The following EVA1C variants were observed in gnomAD, a reference collection of about 807,000 sequenced individuals.
The protein encoded by EVA1C is eva-1 homolog C.
Under a neutral mutation model 45.4 loss-of-function variants are expected in EVA1C, and 25 were observed. That is an observed-to-expected ratio of 0.55 (90% CI 0.40 to 0.77). The LOEUF (loss-of-function observed/expected upper bound fraction) is 0.77, where lower values mean the gene tolerates loss of function less well. Ranked by LOEUF, EVA1C falls within the 30% of genes least tolerant of loss-of-function variation. EVA1C has a pLI of 0.00. For missense variants in EVA1C, 479 were observed against 554.8 expected, an observed-to-expected ratio of 0.86 and a Z score of 1.37; for synonymous variants, 190 against 221.2, an observed-to-expected ratio of 0.86 and a Z score of 1.25.
upstream of EVA1C, among the ~76,000 whole-genome samples, chr21:32,411,763 G>A (rs1005500165): frequency 6.6e-6 from 1 of 152,202 alleles, no homozygotes; most frequent in Admixed American, 6.5e-5. Flanking sequence ...CCTTCCGCCG[G>A]CCCCGCGCGA....
At chr21:32,459,551 G>A (rs943303451) in intron 3 of EVA1C, among the ~76,000 whole-genome samples, 2 of 151,970 alleles carry the variant, frequency 1.3e-5, no homozygotes, top group East Asian at 1.9e-4. Flanking sequence ...CCTTTAAAAA[G>A]TGGCCCTTGG....
intron 4 of EVA1C, among the ~76,000 whole-genome samples, chr21:32,487,416 A>C (rs2037006644): frequency 6.6e-6 from 1 of 152,204 alleles, no homozygotes; most frequent in African/African-American, 2.4e-5. Flanking sequence ...CAAGGACTCC[A>C]TGGAGATGCT....
intron 3 of EVA1C, among the ~76,000 whole-genome samples, chr21:32,466,142 C>G (rs999600340): frequency 6.6e-6 from 1 of 152,120 alleles, no homozygotes; most frequent in African/African-American, 2.4e-5. Context: ...AATCATTGGC[C>G]GGGCGCTTTG....
chr21:32,481,124 G>A (rs1362684829), intron 4 of EVA1C, among the ~76,000 whole-genome samples: 1 of 152,172 alleles, frequency 6.6e-6, no homozygotes, highest in Non-Finnish European at 1.5e-5. Context: ...CCAGTTTTGG[G>A]CCTCTCTGTA....
At chr21:32,465,513 G>A (rs887293250) in intron 3 of EVA1C, among the ~76,000 whole-genome samples, 3 of 152,216 alleles carry the variant, frequency 2.0e-5, no homozygotes, top group Non-Finnish European at 4.4e-5. Flanking sequence ...TGGTGATAGG[G>A]TAGAGCTAGC....
intron 1 of EVA1C, among the ~76,000 whole-genome samples, chr21:32,448,946 G>A (rs1389953316): frequency 1.4e-5 from 2 of 143,854 alleles, no homozygotes; most frequent in Non-Finnish European, 3.0e-5. Flanking sequence ...GAGAAAGAGA[G>A]AAAGAAAGAA....
intron 4 of EVA1C, among the ~76,000 whole-genome samples, chr21:32,481,894 G>A (rs1403535813): frequency 1.3e-5 from 2 of 151,902 alleles, no homozygotes; most frequent in Non-Finnish European, 2.9e-5. Context: ...TTCATACCAC[G>A]CTGTACCATA....
At chr21:32,472,009 CAGTA>C (rs1366555026) in intron 4 of EVA1C, among the ~76,000 whole-genome samples, 1 of 152,140 alleles carries the variant, frequency 6.6e-6, no homozygotes, top group Non-Finnish European at 1.5e-5. Flanking sequence ...TAAGAAGCAG[CAGTA>C]AGTAACATCC....
chr21:32,429,783 C>T (rs1047172432), intron 1 of EVA1C, among the ~76,000 whole-genome samples: 4 of 152,038 alleles, frequency 2.6e-5, no homozygotes, highest in African/African-American at 4.8e-5. Flanking sequence ...ATTTAGTCAC[C>T]ACATTAGAAA....
chr21:32,461,324 G>T (rs1308776532), intron 3 of EVA1C, among the ~76,000 whole-genome samples: 1 of 152,226 alleles, frequency 6.6e-6, no homozygotes, highest in Non-Finnish European at 1.5e-5. Flanking sequence ...TTTAAGCAGG[G>T]AGGGTGCTGT....
At chr21:32,423,741 A>C (rs1039390628) in intron 1 of EVA1C, among the ~76,000 whole-genome samples, 3 of 152,194 alleles carry the variant, frequency 2.0e-5, no homozygotes, top group Non-Finnish European at 2.9e-5. Context: ...AGAGAATGAA[A>C]TGATGCTTGG....
At chr21:32,485,189 CTCT>C (rs1215839004) in intron 4 of EVA1C, among the ~76,000 whole-genome samples, 1 of 152,120 alleles carries the variant, frequency 6.6e-6, no homozygotes, top group East Asian at 1.9e-4. Flanking sequence ...GTTGATCACT[CTCT>C]TTTTTTTTGA....
Position 32,412,972 on chromosome 21 carries a change from TG to T in EVA1C, c.121del (p.Val41SerfsTer16). The T allele has an allele frequency of 6.6e-7, 1 of 1,521,826 alleles. No individual in the cohort carries two copies. The highest frequency in any genetic ancestry group is 2.1e-5 in the Admixed American group (1 of 46,898). The allele number at this position is 1,521,826 out of a possible 1,614,324, so 94.3% of individuals were successfully genotyped here. ...CTGCGCCTCTTCTACTGCACTGTCC[TG>T]GTCTGCTCCAAAGAGATCTCAGCGC... is the stretch of plus-strand genomic sequence containing the variant. ...QLLRLFYCTV[L>X]VCSKEISALT... On this transcript the variant is annotated frameshift_variant, in exon 1 of 8. Transcript: ENST00000300255. LOFTEE classifies it high-confidence loss of function.
chr21:32,500,190 A>ATTTTTTTTT (rs538897939), intron 5 of EVA1C, among the ~76,000 whole-genome samples: 7 of 91,096 alleles, frequency 7.7e-5, no homozygotes, highest in Admixed American at 1.5e-4. Flanking sequence ...TAACCACCCT[A>ATTTTTTTTT]TTTTTTTTTT....
At chr21:32,453,746 A>C (rs890241718) in intron 2 of EVA1C, among the ~76,000 whole-genome samples, 10 of 152,148 alleles carry the variant, frequency 6.6e-5, no homozygotes, top group Admixed American at 3.9e-4. Flanking sequence ...CCCTTTGTAC[A>C]CTTCAATATG....
intron 3 of EVA1C, among the ~76,000 whole-genome samples, chr21:32,462,543 G>A (rs1435929664): frequency 6.6e-6 from 1 of 152,244 alleles, no homozygotes; most frequent in African/African-American, 2.4e-5. Context: ...CTAGTGATGT[G>A]TTGGGAACAG....
intron 1 of EVA1C, chr21:32,428,814 A>G (rs773497629): frequency 6.6e-5 from 10 of 152,232 alleles, no homozygotes; most frequent in Non-Finnish European, 1.3e-4. Flanking sequence ...GTAAATTACT[A>G]TAATGATCAT....
chr21:32,479,590 T>C (rs1210587506), intron 4 of EVA1C, among the ~76,000 whole-genome samples: 1 of 152,216 alleles, frequency 6.6e-6, no homozygotes, highest in Non-Finnish European at 1.5e-5. Context: ...TGAGTTGTCT[T>C]GGGCCTCTTC....
chr21:32,503,566 A>T (rs1185489478), intron 6 of EVA1C, among the ~76,000 whole-genome samples: 1 of 150,824 alleles, frequency 6.6e-6, no homozygotes, highest in East Asian at 1.9e-4. Flanking sequence ...ATAAATAAAT[A>T]AAATAAAGCG....
Sources: allele counts gnomAD v4.1 joint callset (sites outside exome capture counted in the v4.1 genomes callset), GRCh38; gene constraint gnomAD v4.1.1; transcripts MANE v1.5; gene names NCBI Gene and HGNC (gene_info 2026-07-23, HGNC 2026-07-21).